The following RPL27 variants were observed in gnomAD, a reference collection of about 807,000 sequenced individuals.
The protein encoded by RPL27 is large ribosomal subunit protein eL27.
For synonymous variants in RPL27, 77 were observed against 61.0 expected, an observed-to-expected ratio of 1.26 and a Z score of -1.22; for missense variants, 131 against 174.3, an observed-to-expected ratio of 0.75 and a Z score of 1.40.
intron 2 of RPL27, 146 bp downstream of exon 2, chr17:42,998,977 G>C (rs1345519680): frequency 6.4e-6 from 4 of 623,578 alleles, no homozygotes; most frequent in Non-Finnish European, 1.1e-5. Flanking sequence ...TTTTGAGAGA[G>C]GAAGAAGCAC....
At chr17:43,000,481 G>T (rs377553065) in intron 3 of RPL27, among the ~76,000 whole-genome samples, 32 of 137,104 alleles carry the variant, frequency 2.3e-4, no homozygotes, top group Middle Eastern at 3.7e-3. Context: ...GTTTTGTTTT[G>T]TTTTGTTTTT....
At chr17:43,002,315 C>G (rs1371530867) in intron 3 of RPL27, among the ~76,000 whole-genome samples, 7 of 150,486 alleles carry the variant, frequency 4.7e-5, no homozygotes, top group Admixed American at 4.6e-4. Context: ...ACCGTCCTGG[C>G]TAACACTGTG....
chr17:42,999,313 C>G (rs2050334282), intron 2 of RPL27: 1 of 155,862 alleles, frequency 6.4e-6, no homozygotes, highest in South Asian at 1.8e-4. Context: ...CCATCCCCAG[C>G]TATAGGGGGT....
At chr17:42,998,358 C>CGTGGCAAAGCCTGAAG (rs2050320833), upstream of RPL27, 1 of 174,868 alleles carries the variant, frequency 5.7e-6, no homozygotes, top group Admixed American at 6.3e-5. Flanking sequence ...ACACAATCAG[C>CGTGGCAAAGCCTGAAG]GTGGCAAAGC....
Position 43,002,813 on chromosome 17 carries a change from G to GT in RPL27, c.362+31dup, listed in dbSNP as rs2050380236. ...GTAGGCTTTGGTAGTGAATGGTGGA[G>GT]TATGGTTTCACTATTTCCATTCCTT... On this transcript the variant is annotated intron_variant, in intron 4 of 4. Coordinates refer to ENST00000253788, the MANE Select transcript of RPL27 (RefSeq NM_000988.5). 4 of 1,599,070 alleles carry GT rather than the reference G, an allele frequency of 2.5e-6. No individual in the cohort carries two copies. The Admixed American group carries it at 6.7e-5, about 27-fold the overall frequency.
chr17:43,001,583 T>C (rs1231873140), intron 3 of RPL27, among the ~76,000 whole-genome samples: 4 of 151,516 alleles, frequency 2.6e-5, no homozygotes, highest in Non-Finnish European at 5.9e-5. Context: ...ATGGCACCAC[T>C]GCACTCCAGC....
At chr17:43,002,341 TAA>T (rs10551222) in intron 3 of RPL27, among the ~76,000 whole-genome samples, 2,717 of 151,020 alleles carry the variant, frequency 0.018, 66 homozygotes, top group African/African-American at 0.053. Context: ...CCGTCTCTAC[TAA>T]AAAAATACAA....
chr17:42,999,875 T>C, intron 2 of RPL27, 58 bp from the exon 3 acceptor site: 2 of 1,470,678 alleles, frequency 1.4e-6, no homozygotes, highest in Non-Finnish European at 1.9e-6. Flanking sequence ...GCACTACCTC[T>C]AACACAGGGC....
chr17:42,999,797 T>C (rs912636864), intron 2 of RPL27, 136 bp from the exon 3 acceptor site: 3 of 645,562 alleles, frequency 4.6e-6, no homozygotes, highest in Non-Finnish European at 8.1e-6. Context: ...TCTCATAGCT[T>C]TCTGTGATTT....
Position 42,998,447 on chromosome 17 carries a change from TG to T in RPL27, c.-25del, listed in dbSNP as rs11305686. 0.96 allele frequency: 271,554 copies of T among 282,046 alleles called. 131,623 individuals are homozygous for T. Among genetic ancestry groups the T allele is most frequent in the East Asian group, 1 (10,347 of 10,350 alleles). The allele number at this position is 282,046 out of a possible 1,614,324, so 17.5% of individuals were successfully genotyped here. ...GGAAGTGTCCTTCTTTCCTTTTTGC[TG>T]GTAGGGCCGGGTGGTTGCTGCCGGT... On this transcript the variant is annotated 5_prime_UTR_variant, in exon 1 of 5. Coordinates refer to ENST00000253788, the MANE Select transcript of RPL27 (RefSeq NM_000988.5).
intron 3 of RPL27, 135 bp downstream of exon 3, chr17:43,000,237 A>G (rs1408519412): frequency 4.7e-5 from 33 of 707,998 alleles, no homozygotes; most frequent in Admixed American, 3.7e-4. Context: ...TAAAGTGGCT[A>G]TGGTTTCCAG....
chr17:43,002,351 C>CA (rs576030656), intron 3 of RPL27, among the ~76,000 whole-genome samples: 142 of 151,552 alleles, frequency 9.4e-4, no homozygotes, highest in African/African-American at 1.9e-3. Flanking sequence ...TAAAAAAATA[C>CA]AAAAAATTAG....
At chr17:43,002,594 A>G in intron 3 of RPL27, 79 bp from the exon 4 acceptor site, 1 of 764,866 alleles carries the variant, frequency 1.3e-6, no homozygotes, top group Non-Finnish European at 2.4e-6. Flanking sequence ...CTGATTCCCT[A>G]GTGTCCCACA....
intron 2 of RPL27, chr17:42,999,168 CT>C (rs1362616067): frequency 4.8e-3 from 961 of 198,562 alleles, no homozygotes; most frequent in South Asian, 0.018. Flanking sequence ...CTTTTCTTTT[CT>C]TTTTTTTTTT....
At chr17:43,001,801 G>T (rs2050364745) in intron 3 of RPL27, among the ~76,000 whole-genome samples, 1 of 151,400 alleles carries the variant, frequency 6.6e-6, no homozygotes, top group Admixed American at 6.6e-5. Context: ...AGTCAAGAAG[G>T]CCTAATTTGG....
chr17:43,002,078 C>T (rs1028474749), intron 3 of RPL27, among the ~76,000 whole-genome samples: 10 of 150,966 alleles, frequency 6.6e-5, no homozygotes, highest in Admixed American at 4.0e-4. Flanking sequence ...TGGGCAACAG[C>T]GAGACTGTGT....
Position 43,002,655 on chromosome 17 carries a change from C to T in RPL27, c.252-18C>T. The T allele has an allele frequency of 6.6e-7, 1 of 1,522,836 alleles. No individual in the cohort carries two copies. The highest frequency in any genetic ancestry group is 9.1e-7 in the Non-Finnish European group (1 of 1,097,448). The allele number at this position is 1,522,836 out of a possible 1,614,324, so 94.3% of individuals were successfully genotyped here. On this transcript the variant is annotated intron_variant, in intron 3 of 4. Coordinates refer to ENST00000253788, the MANE Select transcript of RPL27 (RefSeq NM_000988.5). ...GGCAGTATGTGGGCTAATCCTGCCT[C>T]TCCACCTTTGTCCCCAGGTACTCTG...
intron 3 of RPL27, among the ~76,000 whole-genome samples, chr17:43,000,453 A>C (rs1027664357): frequency 1.3e-5 from 2 of 150,212 alleles, no homozygotes; most frequent in African/African-American, 4.9e-5. Context: ...CTGGGGACAT[A>C]CACTGTCTTA....
chr17:42,998,647 C>T, intron 1 of RPL27, 102 bp from the exon 2 acceptor site: 2 of 884,906 alleles, frequency 2.3e-6, no homozygotes, highest in South Asian at 1.4e-5. Flanking sequence ...TGAACACAGT[C>T]TGAAGTTCCG....
Sources: gnomAD v4.1 joint callset for allele counts (sites outside exome capture counted in the v4.1 genomes callset) on GRCh38, gnomAD v4.1.1 for gene constraint, MANE v1.5 for transcripts, NCBI Gene and HGNC (gene_info 2026-07-23, HGNC 2026-07-21) for gene names.